Variants in KIF26A observed in about 807,000 individuals in gnomAD.
KIF26A encodes kinesin-like protein KIF26A.
In KIF26A, 74 loss-of-function variants were observed where a neutral mutation model predicts 126.0. The observed-to-expected ratio is 0.59, with a 90% CI of 0.49 to 0.71. The LOEUF (loss-of-function observed/expected upper bound fraction) is 0.71. Ranked by LOEUF, KIF26A falls within the 30% of genes least tolerant of loss-of-function variation. The pLI, the probability that KIF26A is intolerant of heterozygous loss-of-function variation, is 0.00. For missense variants in KIF26A, 2,984 were observed against 2,763.3 expected (o/e 1.08, Z -1.79); for synonymous variants, 1,445 against 1,232.7 (o/e 1.17, Z -3.61).
intron 3 of KIF26A, among the ~76,000 whole-genome samples, chr14:104,156,828 C>G (rs1162561599): frequency 1.3e-5 from 2 of 152,182 alleles, no homozygotes; most frequent in East Asian, 3.8e-4. Flanking sequence ...CACGGGGACC[C>G]CAGTCCTCTG....
chr14:104,149,265 G>T (rs1029909628), intron 2 of KIF26A, among the ~76,000 whole-genome samples: 1 of 152,164 alleles, frequency 6.6e-6, no homozygotes, highest in Admixed American at 6.5e-5. Context: ...CTGGGTCGGG[G>T]TTGGGTGGTG....
chr14:104,168,681 C>G (rs548530337), intron 5 of KIF26A, among the ~76,000 whole-genome samples: 1 of 152,342 alleles, frequency 6.6e-6, no homozygotes, highest in African/African-American at 2.4e-5. Flanking sequence ...GATCGCTTGT[C>G]CCTCTGGGCA....
In KIF26A at chr14:104,175,313, C is replaced by T. The variant is rs747322690; in HGVS notation, c.2525C>T (p.Ala842Val). 6.2e-7 allele frequency: 1 copy of T among 1,604,506 alleles called. No homozygotes were observed. Residue 842 changes from alanine (A) to valine (V), a missense_variant, in exon 12 of 15, where the codon GCG (alanine) becomes GTG (valine). By Grantham distance (64) the Ala-to-Val change is moderately conservative. Transcript: ENST00000423312. ...GACCACTTCCGCTGCAGCACCTTCG[C>T]GGAGCTGCAGGAGCGGCTGGAATGC... Reference protein sequence around the residue: ...DADHFRCSTFAELQERLECMD... With the variant: ...DADHFRCSTFVELQERLECMD...
chr14:104,179,859 A>T lies in KIF26A; in HGVS notation c.*69A>T. ...GGACGGGACGTGGGACGGAGCGAGG[A>T]TGTGGTGGGGGCTGCGGGGGGAGGA... On this transcript the variant is annotated 3_prime_UTR_variant, in exon 15 of 15. Coordinates refer to ENST00000423312, the MANE Select transcript of KIF26A (RefSeq NM_015656.2). 10 of 1,305,896 alleles carry T rather than the reference A, an allele frequency of 7.7e-6. No homozygotes were observed. The highest frequency in any genetic ancestry group is 3.1e-5 in the African/African-American group (2 of 64,318). 80.9% of individuals were successfully genotyped at this position (1,305,896 alleles called of 1,614,324 possible).
At position 104,152,580 on chromosome 14, in the gene KIF26A, G is replaced by T. The variant is rs8012419; in HGVS notation, c.735+119G>T. The T allele has an allele frequency of 0.91, 862,493 of 947,300 alleles. 395,987 individuals carry two copies. The highest frequency in any genetic ancestry group is 0.95 in the Non-Finnish European group (624,075 of 656,966). The allele number at this position is 947,300 out of a possible 1,614,324, so 58.7% of individuals were successfully genotyped here. On this transcript the variant is annotated intron_variant, in intron 3 of 14. Transcript: ENST00000423312. This position sits in a 1 kb window ranked among gnomAD's most constrained non-coding sequence, Gnocchi z 5.9. ...TAAGGCTTCCCTGAAGGGAGGGGAC[G>T]GCGGGCATGGGGGTTCCTGACACTC...
At chr14:104,145,605 C>T (rs771505280) in intron 2 of KIF26A, among the ~76,000 whole-genome samples, 1 of 8,022 alleles carries the variant, frequency 1.2e-4, no homozygotes, top group South Asian at 6.5e-3. Flanking sequence ...GCTTTGGCCT[C>T]TGTTTCTGGC....
chr14:104,175,464 C>A lies in KIF26A; in HGVS notation c.2676C>A (p.Thr892=). 1 of 1,591,854 alleles carries A rather than the reference C, an allele frequency of 6.3e-7. No individual in the cohort carries two copies. Among genetic ancestry groups the A allele is most frequent in the East Asian group, 2.2e-5 (1 of 44,454 alleles). Residue 892 remains threonine, a synonymous_variant, in exon 12 of 15, where the codon ACC becomes ACA. Coordinates refer to ENST00000423312, the MANE Select transcript of KIF26A (RefSeq NM_015656.2). ...CATCCCCCAGGAAGGCCGTGGGCACCCCGATGGCTGCCAGCACCCCTCGAG... is the reference window on the plus strand; with the variant it reads ...CATCCCCCAGGAAGGCCGTGGGCACACCGATGGCTGCCAGCACCCCTCGAG... The part of the protein sequence containing the change: ...EAASPRKAVG[T]PMAASTPRGS...
chr14:104,159,834 ACCT>A (rs2037817128), intron 4 of KIF26A, among the ~76,000 whole-genome samples: 5 of 150,508 alleles, frequency 3.3e-5, no homozygotes, highest in South Asian at 2.1e-4. Flanking sequence ...GTGGTGGGTG[ACCT>A]CCTCTGTGGG....
intron 2 of KIF26A, among the ~76,000 whole-genome samples, chr14:104,141,376 T>C (rs1446371273): frequency 1.3e-5 from 2 of 152,248 alleles, no homozygotes; most frequent in Non-Finnish European, 2.9e-5. Context: ...TGAGGATAGC[T>C]GTTTACAGGG....
Position 104,175,450 on chromosome 14 carries a change from A to G in KIF26A, c.2662A>G (p.Lys888Glu), listed in dbSNP as rs61744771. 29 of 1,592,358 alleles carry G rather than the reference A, an allele frequency of 1.8e-5. No homozygotes were observed. The African/African-American group carries it at 3.6e-4, about 20-fold the overall frequency. Residue 888 changes from lysine (K) to glutamate (E), a missense_variant, in exon 12 of 15, where the codon AAG becomes GAG. Transcript: ENST00000423312. ...PSPPEAASPR[K>E]AVGTPMAAST... ...GCCACCAGAGGCTGCATCCCCCAGGAAGGCCGTGGGCACCCCGATGGCTGC... is the reference window on the plus strand; with the variant it reads ...GCCACCAGAGGCTGCATCCCCCAGGGAGGCCGTGGGCACCCCGATGGCTGC...
At chr14:104,161,313 T>G (rs888708088) in intron 4 of KIF26A, among the ~76,000 whole-genome samples, 8 of 80,562 alleles carry the variant, frequency 9.9e-5, no homozygotes, top group South Asian at 7.4e-4. Context: ...GAGGTGGGGG[T>G]AGGGAGGGTG....
At chr14:104,156,323 G>A (rs1027546821) in intron 3 of KIF26A, among the ~76,000 whole-genome samples, 1 of 152,228 alleles carries the variant, frequency 6.6e-6, no homozygotes, top group South Asian at 2.1e-4. Flanking sequence ...TGGCCGGGCT[G>A]GGTTCAGAGG....
chr14:104,173,881 C>T lies in KIF26A; in HGVS notation c.2030+13C>T, dbSNP rs1359505562. The T allele has an allele frequency of 6.4e-7, 1 of 1,567,558 alleles. No individual in the cohort carries two copies. Among genetic ancestry groups the T allele is most frequent in the Non-Finnish European group, 8.6e-7 (1 of 1,160,180 alleles). On this transcript the variant is annotated intron_variant, in intron 10 of 14. Coordinates refer to ENST00000423312, the MANE Select transcript of KIF26A (RefSeq NM_015656.2). Reference sequence around the variant, plus strand: ...ATGTGCCGTATCGGTGAGTGTAGGGCCTGGGCAGGTGCCGACCAGGGTGGC... The same window carrying T: ...ATGTGCCGTATCGGTGAGTGTAGGGTCTGGGCAGGTGCCGACCAGGGTGGC...
Position 104,177,740 on chromosome 14 carries a change from T to C in KIF26A, c.4952T>C (p.Phe1651Ser), listed in dbSNP as rs769357213. 1 of 1,543,578 alleles carries C rather than the reference T, an allele frequency of 6.5e-7. No individual in the cohort carries two copies. The highest frequency in any genetic ancestry group is 8.7e-7 in the Non-Finnish European group (1 of 1,151,474). ...CCCGCCATGGGCCGCACCGCCCTTTTCCACCACAGCGGTGGCAGCAGTGGC... is the reference window on the plus strand; with the variant it reads ...CCCGCCATGGGCCGCACCGCCCTTTCCCACCACAGCGGTGGCAGCAGTGGC... ...LPPAMGRTALFHHSGGSSGYE... is the reference protein window; with the variant it reads ...LPPAMGRTALSHHSGGSSGYE... Residue 1651 changes from phenylalanine to serine, a missense_variant, in exon 12 of 15, where the codon TTC (phenylalanine) becomes TCC (serine). Physicochemically the swap from Phe to Ser is radical, Grantham distance 155 (BLOSUM62 -2). Transcript: ENST00000423312.
intron 3 of KIF26A, among the ~76,000 whole-genome samples, chr14:104,155,666 C>T (rs923701640): frequency 6.6e-6 from 1 of 152,242 alleles, no homozygotes. Flanking sequence ...TGGCAGTGGC[C>T]GTCCCGGCGG....
At position 104,177,558 on chromosome 14, in the gene KIF26A, C is replaced by T. The variant is rs763412160; in HGVS notation, c.4770C>T (p.Ser1590=). The T allele has an allele frequency of 2.3e-5, 35 of 1,537,028 alleles. No individual in the cohort carries two copies. Among genetic ancestry groups the T allele is most frequent in the Middle Eastern group, 1.9e-4 (1 of 5,340 alleles). ...CGTGGGGCTCGGCGGACTCAGACAGCGGCCATGACAGCGGCGTGAACGTGG... is the reference window on the plus strand; with the variant it reads ...CGTGGGGCTCGGCGGACTCAGACAGTGGCCATGACAGCGGCGTGAACGTGG... ...GSSWGSADSD[S]GHDSGVNVGE... The change falls in exon 12 of 15, where the codon AGC becomes AGT. Residue 1590 remains serine (S), a synonymous_variant. Coordinates refer to ENST00000423312, the MANE Select transcript of KIF26A (RefSeq NM_015656.2).
Position 104,174,233 on chromosome 14 carries a change from C to T in KIF26A, c.2116C>T (p.Pro706Ser), listed in dbSNP as rs757223989. Reference protein sequence around the residue: ...TTMIAHVSDAPAQHAETLSTV... With the variant: ...TTMIAHVSDASAQHAETLSTV... Reference sequence around the variant, plus strand: ...CATGATCGCCCACGTGTCGGATGCGCCAGCCCAGCACGCAGAGACACTCAG... The same window carrying T: ...CATGATCGCCCACGTGTCGGATGCGTCAGCCCAGCACGCAGAGACACTCAG... Residue 706 changes from proline (P) to serine (S), a missense_variant, in exon 11 of 15, where the codon CCA becomes TCA. Physicochemically the swap from Pro to Ser is moderately conservative, Grantham distance 74. Transcript: ENST00000423312. 17 of 1,579,890 alleles carry T rather than the reference C, an allele frequency of 1.1e-5. No homozygotes were observed. Among genetic ancestry groups the T allele is most frequent in the Non-Finnish European group, 1.4e-5 (16 of 1,164,566 alleles).
intron 4 of KIF26A, among the ~76,000 whole-genome samples, chr14:104,158,345 G>A (rs1454335347): frequency 6.6e-6 from 1 of 152,234 alleles, no homozygotes; most frequent in Non-Finnish European, 1.5e-5. Context: ...TGTCTGTGAA[G>A]CCTGGAGAAT....
rs2037990911 is a variant in KIF26A at position 104,174,184 on chromosome 14, G to T, written c.2067G>T (p.Leu689=). The T allele has an allele frequency of 6.3e-7, 1 of 1,588,460 alleles. No homozygotes were observed. Among genetic ancestry groups the T allele is most frequent in the Non-Finnish European group, 8.6e-7 (1 of 1,167,844 alleles). Residue 689 remains leucine (L), a synonymous_variant, in exon 11 of 15, where the codon CTG becomes CTT. Transcript: ENST00000423312. The part of the protein sequence containing the change: ...HRLTMLLRES[L]ATAGCRTTMI... ...TCACCATGCTGCTGCGTGAATCCCT[G>T]GCCACCGCTGGCTGCCGCACCACCA...
Sources: gnomAD v4.1 joint callset for allele counts (sites outside exome capture counted in the v4.1 genomes callset) on GRCh38, gnomAD v4.1.1 for gene constraint, Gnocchi (gnomAD v3.1) non-coding constraint, MANE v1.5 for transcripts, NCBI Gene and HGNC (gene_info 2026-07-23, HGNC 2026-07-21) for gene names.